The following MIER3 variants were observed in gnomAD, a reference collection of about 807,000 sequenced individuals.
MIER3 encodes mesoderm induction early response protein 3.
A neutral mutation model predicts 63.2 loss-of-function variants in MIER3; 9 were observed. The observed-to-expected ratio is 0.14, with a 90% CI of 0.09 to 0.25. The LOEUF (loss-of-function observed/expected upper bound fraction) is 0.25. MIER3 is among the 10% of genes least tolerant of loss of function. MIER3 has a pLI of 1.00. For synonymous variants in MIER3, 205 were observed against 224.9 expected (o/e 0.91, Z 0.79); for missense variants, 512 against 666.2 (o/e 0.77, Z 2.55).
At chr5:56,944,630 G>A (rs940696663) in intron 3 of MIER3, among the ~76,000 whole-genome samples, 7 of 152,200 alleles carry the variant, frequency 4.6e-5, no homozygotes, top group African/African-American at 1.2e-4. Flanking sequence ...AGTAACTAAC[G>A]CCTGTCTGAT....
chr5:56,931,316 G>A (rs1387441841), intron 8 of MIER3, among the ~76,000 whole-genome samples: 3 of 152,070 alleles, frequency 2.0e-5, no homozygotes, highest in Non-Finnish European at 4.4e-5. Flanking sequence ...GAATTCAATT[G>A]AAAGTTAAAT....
chr5:56,930,502 A>G lies in MIER3; in HGVS notation c.829+162T>C, dbSNP rs187581613. On this transcript the variant is annotated intron_variant, in intron 9 of 12. Coordinates refer to ENST00000381199, the MANE Select transcript of MIER3 (RefSeq NM_001297599.2). ...TGTTTGAACAGTCTCTGATACATCT[A>G]AAAATAGAGTGCAAGAAAAGGAAAA... is the stretch of plus-strand genomic sequence containing the variant. Among the ~76,000 whole-genome samples, 13 of 152,340 alleles carry G rather than the reference A, an allele frequency of 8.5e-5. No homozygotes were observed. In the East Asian group the frequency reaches 2.5e-3, roughly 29 times the overall value.
At chr5:56,940,593 C>T (rs1427208394) in intron 3 of MIER3, among the ~76,000 whole-genome samples, 1 of 152,192 alleles carries the variant, frequency 6.6e-6, no homozygotes, top group Non-Finnish European at 1.5e-5. Flanking sequence ...TATAAATTTG[C>T]AGTAGTAGAC....
In MIER3 at chr5:56,922,860, G is replaced by C. The variant is rs988568076; in HGVS notation, c.*268C>G. ...AAGAAGGGAGTGGGGAAGAGGTATTGGGAGATGAGGAAGAGAGAAGCAGAG... is the reference window on the plus strand; with the variant it reads ...AAGAAGGGAGTGGGGAAGAGGTATTCGGAGATGAGGAAGAGAGAAGCAGAG... On this transcript the variant is annotated 3_prime_UTR_variant, in exon 13 of 13. Transcript: ENST00000381199. 3.7e-5 allele frequency: 16 copies of C among 430,824 alleles called. No individual in the cohort carries two copies. The highest frequency in any genetic ancestry group is 2.2e-4 in the Admixed American group (6 of 27,648). The allele number at this position is 430,824 out of a possible 1,614,324, so 26.7% of individuals were successfully genotyped here.
intron 8 of MIER3, among the ~76,000 whole-genome samples, chr5:56,931,147 G>T (rs1199082437): frequency 1.3e-5 from 2 of 152,156 alleles, no homozygotes; most frequent in Admixed American, 1.3e-4. Flanking sequence ...TAATATAAGG[G>T]AACAGCAGCA....
Position 56,922,897 on chromosome 5 carries a change from A to ACCACAGAGTTCAATCTTAGTTC in MIER3, c.*209_*230dup, listed in dbSNP as rs1749740775. ...AGAGAGAAGCAGAGCTTAAAGCTGC[A>ACCACAGAGTTCAATCTTAGTTC]CCACAGAGTTCAATCTTAGTTCCCA... On this transcript the variant is annotated 3_prime_UTR_variant, in exon 13 of 13. Transcript: ENST00000381199. 1 of 519,916 alleles carries ACCACAGAGTTCAATCTTAGTTC rather than the reference A, an allele frequency of 1.9e-6. No homozygotes were observed. The highest frequency in any genetic ancestry group is 3.2e-5 in the Admixed American group (1 of 31,210). The allele number at this position is 519,916 out of a possible 1,614,324, so 32.2% of individuals were successfully genotyped here.
intron 5 of MIER3, among the ~76,000 whole-genome samples, chr5:56,937,184 T>C (rs1206909610): frequency 1.3e-5 from 2 of 152,164 alleles, no homozygotes; most frequent in Admixed American, 6.5e-5. Context: ...CAAGTGATTC[T>C]CGTGCCTCAG....
At chr5:56,928,922 T>C in intron 9 of MIER3, 61 bp from the exon 10 acceptor site, 5 of 1,172,134 alleles carry the variant, frequency 4.3e-6, no homozygotes, top group South Asian at 1.3e-5. Context: ...GAATCACTGA[T>C]TTTCAGTATG....
intron 3 of MIER3, among the ~76,000 whole-genome samples, chr5:56,944,928 C>A (rs961062497): frequency 6.6e-6 from 1 of 151,556 alleles, no homozygotes; most frequent in Non-Finnish European, 1.5e-5. Context: ...GACTCCTGGG[C>A]TCAAGCGATC....
Position 56,941,267 on chromosome 5 carries a change from T to C in MIER3, c.181-2250A>G, listed in dbSNP as rs574314270. 4.0e-4 allele frequency: 158 copies of C among 398,534 alleles called. 5 individuals carry two copies. The South Asian group carries it at 0.015, about 39-fold the overall frequency. The allele number at this position is 398,534 out of a possible 1,614,324, so 24.7% of individuals were successfully genotyped here. On this transcript the variant is annotated intron_variant, in intron 3 of 12. Coordinates refer to ENST00000381199, the MANE Select transcript of MIER3 (RefSeq NM_001297599.2). ...CAAGGGCAGACCTACACCCCAAGAA[T>C]ACTGGTATGGAGTATGGAGGTATGC...
chr5:56,940,906 G>A (rs1182904836), intron 3 of MIER3: 4 of 928,100 alleles, frequency 4.3e-6, no homozygotes, highest in Non-Finnish European at 5.1e-6. Context: ...AGGTGCCTGG[G>A]TTGCAGCCTT....
chr5:56,937,371 C>A (rs1395819402), intron 5 of MIER3, among the ~76,000 whole-genome samples: 1 of 152,180 alleles, frequency 6.6e-6, no homozygotes, highest in Non-Finnish European at 1.5e-5. Context: ...GCCACTGCAC[C>A]TGGCCAAATA....
At position 56,935,418 on chromosome 5, in the gene MIER3, C is replaced by T. The variant is rs370230850; in HGVS notation, c.595+10G>A. 6.4e-7 allele frequency: 1 copy of T among 1,566,680 alleles called. No individual in the cohort carries two copies. The highest frequency in any genetic ancestry group is 8.6e-7 in the Non-Finnish European group (1 of 1,161,604). ...TACCAAACATTATCAAAATCAAAAG[C>T]TTTCCTTACCTTTCTCATTACCATC... On this transcript the variant is annotated intron_variant, in intron 7 of 12. Coordinates refer to ENST00000381199, the MANE Select transcript of MIER3 (RefSeq NM_001297599.2).
chr5:56,928,151 T>C (rs1750087562), intron 10 of MIER3: 1 of 152,246 alleles, frequency 6.6e-6, no homozygotes, highest in African/African-American at 2.4e-5. Context: ...TTTTAGCAAT[T>C]ATGATGAAAG....
At chr5:56,935,864 C>A (rs192562552) in intron 5 of MIER3, 113 bp from the exon 6 acceptor site, 112 of 717,422 alleles carry the variant, frequency 1.6e-4, no homozygotes, top group Non-Finnish European at 1.9e-4. Flanking sequence ...CATAAGTATA[C>A]TAAACCACCT....
At chr5:56,928,728 G>T in intron 10 of MIER3, 39 bp downstream of exon 10, 1 of 1,413,750 alleles carries the variant, frequency 7.1e-7, no homozygotes, top group Non-Finnish European at 9.8e-7. Context: ...TACATTCACT[G>T]TAACTAGTAA....
intron 8 of MIER3, among the ~76,000 whole-genome samples, chr5:56,932,052 G>A (rs1012611834): frequency 6.6e-6 from 1 of 152,140 alleles, no homozygotes; most frequent in Non-Finnish European, 1.5e-5. Flanking sequence ...CAACATTTTG[G>A]GAGGCTGAGG....
chr5:56,947,494 C>T (rs1750866213), intron 2 of MIER3, among the ~76,000 whole-genome samples: 1 of 152,120 alleles, frequency 6.6e-6, no homozygotes, highest in South Asian at 2.1e-4. Flanking sequence ...CACTAAGATG[C>T]ACACTTCAGG....
At chr5:56,942,290 G>C (rs1474597109) in intron 3 of MIER3, among the ~76,000 whole-genome samples, 1 of 152,186 alleles carries the variant, frequency 6.6e-6, no homozygotes, top group East Asian at 1.9e-4. Context: ...ATGGGCAATG[G>C]GTATGTCTGA....
Sources: allele counts gnomAD v4.1 joint callset (sites outside exome capture counted in the v4.1 genomes callset), GRCh38; gene constraint gnomAD v4.1.1; transcripts MANE v1.5; gene names NCBI Gene and HGNC (gene_info 2026-07-23, HGNC 2026-07-21).